VPS13B: variants seen among roughly 807,000 people sequenced by gnomAD.
VPS13B encodes intermembrane lipid transfer protein VPS13B.
In VPS13B, 285 loss-of-function variants were observed where a neutral mutation model predicts 426.4. The observed-to-expected ratio is 0.67, with a 90% confidence interval of 0.61 to 0.74. The LOEUF (loss-of-function observed/expected upper bound fraction) is 0.74, where lower values mean the gene tolerates loss of function less well. Among genes scored for constraint, VPS13B ranks in the 30% least tolerant of loss-of-function variants. The pLI, the probability that VPS13B is intolerant of heterozygous loss-of-function variation, is 0.00. For synonymous variants in VPS13B, 1,676 were observed against 1,676.4 expected (o/e 1.00, Z 0.01); for missense variants, 4,537 against 4,782.6 (o/e 0.95, Z 1.51).
At chr8:99,571,043 G>A (rs1825448899) in intron 31 of VPS13B, among the ~76,000 whole-genome samples, 1 of 152,118 alleles carries the variant, frequency 6.6e-6, no homozygotes, top group South Asian at 2.1e-4. Flanking sequence ...GTTTCTGATG[G>A]GTTGATGTTT....
chr8:99,482,405 T>C (rs1820092139), intron 25 of VPS13B, among the ~76,000 whole-genome samples: 1 of 152,162 alleles, frequency 6.6e-6, no homozygotes, highest in Non-Finnish European at 1.5e-5. Context: ...CATATACATA[T>C]AATTTCAAAA....
chr8:99,283,349 A>G (rs572597507), intron 19 of VPS13B, among the ~76,000 whole-genome samples: 9 of 152,176 alleles, frequency 5.9e-5, no homozygotes, highest in African/African-American at 1.7e-4. Context: ...GGACGTTACT[A>G]TGTATTTTAT....
chr8:99,742,731 A>G (rs921435411), intron 39 of VPS13B, among the ~76,000 whole-genome samples: 5 of 152,218 alleles, frequency 3.3e-5, no homozygotes, highest in African/African-American at 7.2e-5. Context: ...AAACCATATG[A>G]TTATCTCAAT....
At chr8:99,014,147 T>C (rs1841478950) in intron 2 of VPS13B, among the ~76,000 whole-genome samples, 1 of 133,252 alleles carries the variant, frequency 7.5e-6, no homozygotes, top group African/African-American at 2.7e-5. Flanking sequence ...AGATGGAGTC[T>C]CGCTTTGTCG....
intron 8 of VPS13B, among the ~76,000 whole-genome samples, chr8:99,128,400 A>C (rs1248925833): frequency 6.8e-6 from 1 of 147,606 alleles, no homozygotes; most frequent in Non-Finnish European, 1.5e-5. Context: ...AAAAAAAAAA[A>C]AAAAAAAAAA....
At chr8:99,535,338 G>T (rs1286211365) in intron 30 of VPS13B, among the ~76,000 whole-genome samples, 2 of 152,184 alleles carry the variant, frequency 1.3e-5, no homozygotes, top group African/African-American at 2.4e-5. Flanking sequence ...GTTCACTGAG[G>T]TCACTGTCCT....
At chr8:99,578,459 GTCT>G (rs1825877717) in intron 33 of VPS13B, among the ~76,000 whole-genome samples, 1 of 151,862 alleles carries the variant, frequency 6.6e-6, no homozygotes, top group Non-Finnish European at 1.5e-5. Context: ...TATTCTTTCA[GTCT>G]TCTTTATTTT....
chr8:99,712,386 A>C (rs1295951504), intron 36 of VPS13B, among the ~76,000 whole-genome samples: 1 of 152,214 alleles, frequency 6.6e-6, no homozygotes, highest in African/African-American at 2.4e-5. Flanking sequence ...TTTTCATTGA[A>C]TATTATGCTC....
chr8:99,172,777 T>A (rs905012510), intron 16 of VPS13B, among the ~76,000 whole-genome samples: 1 of 152,166 alleles, frequency 6.6e-6, no homozygotes, highest in African/African-American at 2.4e-5. Flanking sequence ...ATGATGGATA[T>A]TAACATTAGG....
chr8:99,023,767 C>T (rs1842014449), intron 2 of VPS13B, among the ~76,000 whole-genome samples: 1 of 152,226 alleles, frequency 6.6e-6, no homozygotes, highest in South Asian at 2.1e-4. Context: ...GTGTGAGCCA[C>T]TGCACCCAGC....
intron 39 of VPS13B, among the ~76,000 whole-genome samples, chr8:99,745,665 A>G (rs1389651601): frequency 6.6e-6 from 1 of 152,114 alleles, no homozygotes; most frequent in African/African-American, 2.4e-5. Context: ...CCTCATGGAT[A>G]AGGAAGGACT....
At chr8:99,722,538 GC>G (rs1370182548) in intron 39 of VPS13B, among the ~76,000 whole-genome samples, 2 of 129,838 alleles carry the variant, frequency 1.5e-5, no homozygotes, top group African/African-American at 5.8e-5. Context: ...ACAGAATCTT[GC>G]TCTGTCACCC....
intron 35 of VPS13B, among the ~76,000 whole-genome samples, chr8:99,688,824 A>G (rs562957808): frequency 6.6e-6 from 1 of 152,178 alleles, no homozygotes; most frequent in Non-Finnish European, 1.5e-5. Flanking sequence ...GCATCCCAAC[A>G]AGGTACAGAA....
chr8:99,150,480 A>G (rs1259048104), intron 14 of VPS13B, among the ~76,000 whole-genome samples: 2 of 152,216 alleles, frequency 1.3e-5, no homozygotes, highest in Non-Finnish European at 2.9e-5. Context: ...ATTATCTGCT[A>G]TAACAATATC....
At chr8:99,495,782 T>C (rs1169065578) in intron 25 of VPS13B, among the ~76,000 whole-genome samples, 1 of 152,226 alleles carries the variant, frequency 6.6e-6, no homozygotes, top group Non-Finnish European at 1.5e-5. Flanking sequence ...AGATAGATAT[T>C]GCTTTTTTAT....
chr8:99,230,545 A>G (rs1456293268), intron 17 of VPS13B, among the ~76,000 whole-genome samples: 1 of 152,240 alleles, frequency 6.6e-6, no homozygotes. Flanking sequence ...ACCAGGTTCC[A>G]GTTCTGAGAA....
chr8:99,765,323 T>C (rs1292297841), intron 39 of VPS13B, among the ~76,000 whole-genome samples: 2 of 152,114 alleles, frequency 1.3e-5, no homozygotes, highest in Non-Finnish European at 2.9e-5. Flanking sequence ...GGTTAGTAAA[T>C]AAAATATTAC....
intron 34 of VPS13B, among the ~76,000 whole-genome samples, chr8:99,654,842 G>A (rs866982843): frequency 1.3e-5 from 2 of 151,084 alleles, no homozygotes; most frequent in Non-Finnish European, 2.9e-5. Context: ...TCTTGGCTGG[G>A]GATAAAAGGA....
intron 3 of VPS13B, among the ~76,000 whole-genome samples, chr8:99,043,464 G>A (rs989990445): frequency 6.6e-6 from 1 of 152,098 alleles, no homozygotes; most frequent in African/African-American, 2.4e-5. Flanking sequence ...TATCGTCACT[G>A]TTATTGGTGA....
Sources: gnomAD v4.1 joint callset for allele counts (sites outside exome capture counted in the v4.1 genomes callset) on GRCh38, gnomAD v4.1.1 for gene constraint, MANE v1.5 for transcripts, NCBI Gene and HGNC (gene_info 2026-07-23, HGNC 2026-07-21) for gene names.